The following SLC7A14 variants were observed in gnomAD, a reference collection of about 807,000 sequenced individuals.
SLC7A14 encodes gamma-aminobutyric acid transporter SLC7A14.
A neutral mutation model predicts 60.2 loss-of-function variants in SLC7A14; 37 were observed. The observed-to-expected ratio is 0.61, with a 90% CI of 0.47 to 0.81. The LOEUF (loss-of-function observed/expected upper bound fraction) is 0.81. SLC7A14 is among the 30% of genes least tolerant of loss of function. The pLI, the probability that SLC7A14 is intolerant of heterozygous loss-of-function variation, is 0.00. For missense variants in SLC7A14, 886 were observed against 982.7 expected (o/e 0.90, Z 1.32); for synonymous variants, 399 against 395.8 (o/e 1.01, Z -0.10).
rs545099516 is a variant in SLC7A14 at position 170,555,180 on chromosome 3, T to A, written c.-152-28092A>T. ...AAGACTTTGTCTCAAAAAAAATATATATATATATAATATATATATTGCTTG... is the reference window on the plus strand; with the variant it reads ...AAGACTTTGTCTCAAAAAAAATATAAATATATATAATATATATATTGCTTG... On this transcript the variant is annotated intron_variant, in intron 1 of 7. Coordinates refer to ENST00000231706, the MANE Select transcript of SLC7A14 (RefSeq NM_020949.3). 6.5e-3 allele frequency among the ~76,000 whole-genome samples: 930 copies of A among 143,906 alleles called. 13 individuals carry two copies. The highest frequency in any genetic ancestry group is 0.023 in the African/African-American group (878 of 38,454). The allele number at this position is 143,906 out of a possible 152,430, so 94.4% of individuals were successfully genotyped here.
chr3:170,567,906 T>C, intron 1 of SLC7A14, among the ~76,000 whole-genome samples: 1 of 151,786 alleles, frequency 6.6e-6, no homozygotes. Flanking sequence ...TTCTGGATAT[T>C]AGCCCTTTGT....
intron 4 of SLC7A14, among the ~76,000 whole-genome samples, chr3:170,488,394 G>T (rs1188529254): frequency 6.6e-6 from 1 of 151,508 alleles, no homozygotes; most frequent in Non-Finnish European, 1.5e-5. Context: ...GACAAGGAGG[G>T]AAAATAGATC....
intron 1 of SLC7A14, among the ~76,000 whole-genome samples, chr3:170,561,276 A>G (rs1310670470): frequency 6.6e-6 from 1 of 152,202 alleles, no homozygotes; most frequent in Non-Finnish European, 1.5e-5. Context: ...AGCTTCTTGC[A>G]GCAAATATTT....
chr3:170,484,341 C>T (rs537402481), intron 5 of SLC7A14, among the ~76,000 whole-genome samples: 70 of 152,278 alleles, frequency 4.6e-4, no homozygotes, highest in African/African-American at 1.6e-3. Flanking sequence ...ACTCTGCCTA[C>T]GGGGAGAAAT....
At chr3:170,470,339 TA>T (rs1343883152) in intron 7 of SLC7A14, among the ~76,000 whole-genome samples, 1 of 149,834 alleles carries the variant, frequency 6.7e-6, no homozygotes, top group African/African-American at 2.5e-5. Context: ...TGTGTGTGTG[TA>T]TGTGTGTGTG....
chr3:170,506,117 G>T (rs567601355), intron 2 of SLC7A14, among the ~76,000 whole-genome samples: 3 of 152,298 alleles, frequency 2.0e-5, no homozygotes, highest in Non-Finnish European at 4.4e-5. Context: ...CAGTGTTTAG[G>T]TGCAGGCAGC....
rs1166425929 is a variant in SLC7A14 at position 170,467,157 on chromosome 3, C to T, written c.2214G>A (p.Lys738=). The T allele has an allele frequency of 5.6e-6, 9 of 1,614,228 alleles. No homozygotes were observed. Among genetic ancestry groups the T allele is most frequent in the Non-Finnish European group, 7.6e-6 (9 of 1,180,052 alleles). Residue 738 remains lysine, a synonymous_variant, in exon 8 of 8, where the codon AAG becomes AAA. Coordinates refer to ENST00000231706, the MANE Select transcript of SLC7A14 (RefSeq NM_020949.3). ...CTTTGCTACTTGTCCGGCCGTTTGC[C>T]TTCGCATCTGACATCTGTTGGTAAT... ...GFYYQQMSDA[K]ANGRTSSKAK...
chr3:170,542,824 C>G (rs1714061559), intron 1 of SLC7A14, among the ~76,000 whole-genome samples: 1 of 152,126 alleles, frequency 6.6e-6, no homozygotes, highest in Non-Finnish European at 1.5e-5. Context: ...TTTAATGCTG[C>G]TACATTTTCA....
chr3:170,483,409 A>G lies in SLC7A14; in HGVS notation c.1020T>C (p.Ile340=), dbSNP rs1435418953. 6 of 1,614,106 alleles carry G rather than the reference A, an allele frequency of 3.7e-6. No individual in the cohort carries two copies. The highest frequency in any genetic ancestry group is 5.1e-6 in the Non-Finnish European group (6 of 1,180,054). The change falls in exon 6 of 8, where the codon ATT becomes ATC. Residue 340 remains isoleucine (I), a synonymous_variant. Transcript: ENST00000231706. Reference sequence around the variant, plus strand: ...TGACTGTCAGTCCTGCAACCGACCCAATGGCCACTACGAATTTGGCAGCAT... The same window carrying G: ...TGACTGTCAGTCCTGCAACCGACCCGATGGCCACTACGAATTTGGCAGCAT... ...GFYAAKFVVA[I]GSVAGLTVSL...
At chr3:170,491,730 G>A (rs1437554426) in intron 4 of SLC7A14, among the ~76,000 whole-genome samples, 4 of 152,166 alleles carry the variant, frequency 2.6e-5, no homozygotes, top group East Asian at 1.9e-4. Flanking sequence ...GGGAGGCAGC[G>A]AGGAAGAAAT....
intron 1 of SLC7A14, among the ~76,000 whole-genome samples, chr3:170,545,503 T>C (rs1001680465): frequency 2.6e-5 from 4 of 152,178 alleles, no homozygotes; most frequent in Admixed American, 6.5e-5. Context: ...TTGGCCAAAT[T>C]GGAAGAGCTT....
chr3:170,569,720 C>T (rs965327376), intron 1 of SLC7A14, among the ~76,000 whole-genome samples: 3 of 152,106 alleles, frequency 2.0e-5, no homozygotes, highest in African/African-American at 4.8e-5. Context: ...GATTCAACTT[C>T]TTCCTGGTTT....
chr3:170,583,284 C>A (rs1190684786), intron 1 of SLC7A14, among the ~76,000 whole-genome samples: 1 of 152,124 alleles, frequency 6.6e-6, no homozygotes, highest in Non-Finnish European at 1.5e-5. Flanking sequence ...GAAGGTGGGT[C>A]ATATCTCCCA....
chr3:170,558,979 G>T (rs1301873187), intron 1 of SLC7A14, among the ~76,000 whole-genome samples: 1 of 152,184 alleles, frequency 6.6e-6, no homozygotes, highest in East Asian at 1.9e-4. Flanking sequence ...AGATTTTCAT[G>T]CTGGTAACTG....
intron 1 of SLC7A14, among the ~76,000 whole-genome samples, chr3:170,546,156 T>C (rs9870414): frequency 0.8 from 121,318 of 152,208 alleles, 48,976 homozygotes; most frequent in African/African-American, 0.94. Flanking sequence ...ATGGTGATCT[T>C]ATCTCAGCTG....
At chr3:170,498,948 T>A in intron 3 of SLC7A14, 64 bp from the exon 4 acceptor site, 3 of 1,505,118 alleles carry the variant, frequency 2.0e-6, no homozygotes, top group Non-Finnish European at 2.8e-6. Flanking sequence ...AAACTCCTGG[T>A]CCTACCCCAC....
At chr3:170,501,459 A>G in intron 2 of SLC7A14, 114 bp from the exon 3 acceptor site, 2 of 850,876 alleles carry the variant, frequency 2.4e-6, no homozygotes, top group Non-Finnish European at 3.8e-6. Flanking sequence ...GAACAAATAC[A>G]CAAAGTTTTA....
rs938578419 is a variant in SLC7A14, at chr3:170,532,549, A to G, written c.-152-5461T>C. Among the ~76,000 whole-genome samples, 3 of 152,228 alleles carry G rather than the reference A, an allele frequency of 2.0e-5. No individual in the cohort carries two copies. Among genetic ancestry groups the G allele is most frequent in the Non-Finnish European group, 4.4e-5 (3 of 68,046 alleles). ...ATGGGATCACAGTGGTACCTAGCTC[A>G]CAGGGTTGTGGTGAGGAGTGGAAGA... On this transcript the variant is annotated intron_variant, in intron 1 of 7. Transcript: ENST00000231706. The surrounding 1 kb of genome is among the most constrained non-coding windows in gnomAD (Gnocchi z 4.0).
intron 4 of SLC7A14, among the ~76,000 whole-genome samples, chr3:170,487,245 G>A (rs1712065143): frequency 6.7e-6 from 1 of 148,590 alleles, no homozygotes; most frequent in Non-Finnish European, 1.5e-5. Context: ...AAATGTCAGT[G>A]AAAACCTTCC....
Sources: gnomAD v4.1 joint callset for allele counts (sites outside exome capture counted in the v4.1 genomes callset) on GRCh38, gnomAD v4.1.1 for gene constraint, Gnocchi (gnomAD v3.1) non-coding constraint, MANE v1.5 for transcripts, NCBI Gene and HGNC (gene_info 2026-07-23, HGNC 2026-07-21) for gene names.